Variants in VAPA observed in about 807,000 individuals in gnomAD.
The protein encoded by VAPA is vesicle-associated membrane protein-associated protein A.
In VAPA, 6 loss-of-function variants were observed where a neutral mutation model predicts 25.6. The ratio of observed to expected loss-of-function variants is 0.23; its 90% CI spans 0.13 to 0.46. The LOEUF (loss-of-function observed/expected upper bound fraction) is 0.46, where lower values mean the gene tolerates loss of function less well. VAPA is among the 20% of genes least tolerant of loss of function. The probability of loss-of-function intolerance (pLI) is 0.99; values close to 1 mark genes in which losing one functional copy is unlikely to be tolerated. For missense variants in VAPA, 244 were observed against 302.1 expected, an observed-to-expected ratio of 0.81 and a Z score of 1.43; for synonymous variants, 112 against 106.2, an observed-to-expected ratio of 1.05 and a Z score of -0.34.
intron 5 of VAPA, 48 bp from the exon 6 acceptor site, chr18:9,954,005 T>G (rs2069516320): frequency 6.2e-7 from 1 of 1,607,416 alleles, no homozygotes; most frequent in African/African-American, 1.3e-5. Context: ...GTAGTCTCGT[T>G]AGTATGCTTG....
intron 1 of VAPA, among the ~76,000 whole-genome samples, chr18:9,917,808 G>A (rs374623602): frequency 7.4e-6 from 1 of 135,016 alleles, no homozygotes; most frequent in Non-Finnish European, 1.7e-5. Flanking sequence ...AGCACGGGGC[G>A]GGGGGGAAAT....
intron 2 of VAPA, among the ~76,000 whole-genome samples, chr18:9,935,569 G>C (rs2069301032): frequency 6.6e-6 from 1 of 152,186 alleles, no homozygotes; most frequent in African/African-American, 2.4e-5. Flanking sequence ...CACAGAGTGA[G>C]ACCCTGTTTT....
chr18:9,955,120 AC>A lies in VAPA; in HGVS notation c.*913del, dbSNP rs1333605046. 20 of 152,242 alleles carry A rather than the reference AC, an allele frequency of 1.3e-4. No homozygotes were observed. The highest frequency in any genetic ancestry group is 4.8e-4 in the African/African-American group (20 of 41,560). The allele number at this position is 152,242 out of a possible 1,614,324, so 9.4% of individuals were successfully genotyped here. ...AGCATGGCTGTGCTCCATCTGATTT[AC>A]CCCATTCTTAAGTTCTGAGAGTATG... On this transcript the variant is annotated 3_prime_UTR_variant, in exon 6 of 6. Coordinates refer to ENST00000400000, the MANE Select transcript of VAPA (RefSeq NM_194434.3).
chr18:9,917,511 C>T (rs1185212434), intron 1 of VAPA, among the ~76,000 whole-genome samples: 2 of 152,154 alleles, frequency 1.3e-5, no homozygotes, highest in African/African-American at 2.4e-5. Flanking sequence ...GAACTTCTGA[C>T]CTCAGGTGAT....
intron 1 of VAPA, among the ~76,000 whole-genome samples, chr18:9,922,070 A>G (rs2069161337): frequency 6.6e-6 from 1 of 152,078 alleles, no homozygotes; most frequent in South Asian, 2.1e-4. Context: ...CTTGAACTCC[A>G]GGGCCCAAGC....
intron 1 of VAPA, among the ~76,000 whole-genome samples, chr18:9,918,479 A>G (rs919501472): frequency 2.6e-5 from 4 of 152,050 alleles, no homozygotes; most frequent in African/African-American, 7.2e-5. Context: ...TTTTTATCTT[A>G]CTTGACCTCC....
chr18:9,914,131 T>TAG lies in VAPA; in HGVS notation c.-125_-124dup, dbSNP rs938180525. 2.1e-5 allele frequency: 16 copies of TAG among 765,478 alleles called. No individual in the cohort carries two copies. The highest frequency in any genetic ancestry group is 3.2e-5 in the Non-Finnish European group (16 of 502,840). The allele number at this position is 765,478 out of a possible 1,614,324, so 47.4% of individuals were successfully genotyped here. A position where few individuals can be genotyped will look rare whatever the true frequency, so the allele number is the denominator to read the frequency against. On this transcript the variant is annotated 5_prime_UTR_variant, in exon 1 of 6. Coordinates refer to ENST00000400000, the MANE Select transcript of VAPA (RefSeq NM_194434.3). ...GAACCGGTGACACAGCGGCAGGCGT[T>TAG]AGGGCTCGGGAGCCGCGAGCCTGGC...
At chr18:9,939,661 G>C (rs78793510) in intron 4 of VAPA, among the ~76,000 whole-genome samples, 1,998 of 151,894 alleles carry the variant, frequency 0.013, 53 homozygotes, top group African/African-American at 0.044. Context: ...TATTTCCTGT[G>C]ATCGAAAGTT....
chr18:9,947,676 A>G (rs1054161355), intron 4 of VAPA: 9 of 152,208 alleles, frequency 5.9e-5, no homozygotes, highest in Admixed American at 2.6e-4. Context: ...TGCTTGTTTC[A>G]TGGTTCTCAG....
At chr18:9,940,744 T>C (rs2069358845) in intron 4 of VAPA, among the ~76,000 whole-genome samples, 1 of 152,226 alleles carries the variant, frequency 6.6e-6, no homozygotes. Flanking sequence ...GATGGCTCAC[T>C]GGCCTCGTCA....
chr18:9,939,816 A>G (rs1431673545), intron 4 of VAPA, among the ~76,000 whole-genome samples: 6 of 152,154 alleles, frequency 3.9e-5, no homozygotes, highest in Admixed American at 3.3e-4. Context: ...GATGCCTTTC[A>G]ACTTCCTGTG....
In VAPA at chr18:9,957,614, G is replaced by A. The variant is rs545305461; in HGVS notation, c.*3403G>A. ...AATGCTTATTACCATTTGGAAAAAC[G>A]AAGATCAGAAGGTAAATGATCTTTA... On this transcript the variant is annotated 3_prime_UTR_variant, in exon 6 of 6. Coordinates refer to ENST00000400000, the MANE Select transcript of VAPA (RefSeq NM_194434.3). 3 of 152,230 alleles carry A rather than the reference G, an allele frequency of 2.0e-5. No homozygotes were observed. Among genetic ancestry groups the A allele is most frequent in the Admixed American group, 6.5e-5 (1 of 15,300 alleles). 9.4% of individuals were successfully genotyped at this position (152,230 alleles called of 1,614,324 possible).
chr18:9,919,579 A>G (rs2069139932), intron 1 of VAPA, among the ~76,000 whole-genome samples: 1 of 152,248 alleles, frequency 6.6e-6, no homozygotes, highest in South Asian at 2.1e-4. Context: ...TAAGATTCCA[A>G]CAATGAGTAA....
rs145737358 is a variant in VAPA at position 9,916,734 on chromosome 18, A to C, written c.79+2399A>C. On this transcript the variant is annotated intron_variant, in intron 1 of 5. Coordinates refer to ENST00000400000, the MANE Select transcript of VAPA (RefSeq NM_194434.3). ...TCTACTTGGGCTTAGTTTATGATAG[A>C]AAAAAATCATTTAACTGACTTACCC... Among the ~76,000 whole-genome samples, 249 of 152,342 alleles carry C rather than the reference A, an allele frequency of 1.6e-3. 1 individual carries two copies. Among genetic ancestry groups the C allele is most frequent in the African/African-American group, 5.6e-3 (233 of 41,580 alleles).
chr18:9,920,032 C>G (rs1295016284), intron 1 of VAPA, among the ~76,000 whole-genome samples: 1 of 152,076 alleles, frequency 6.6e-6, no homozygotes, highest in African/African-American at 2.4e-5. Flanking sequence ...TCTGAGATTT[C>G]TGCTTATATA....
chr18:9,938,076 G>A (rs1307166312), intron 4 of VAPA, among the ~76,000 whole-genome samples: 1 of 152,162 alleles, frequency 6.6e-6, no homozygotes, highest in Admixed American at 6.5e-5. Context: ...GATGGCCTGT[G>A]TATGCTTCCC....
chr18:9,947,353 G>A (rs898840148), intron 4 of VAPA, among the ~76,000 whole-genome samples: 7 of 152,052 alleles, frequency 4.6e-5, no homozygotes, highest in Non-Finnish European at 7.4e-5. Flanking sequence ...CACCACAAAC[G>A]TGAATAATGT....
At chr18:9,919,103 G>A (rs1266803670) in intron 1 of VAPA, among the ~76,000 whole-genome samples, 1 of 152,100 alleles carries the variant, frequency 6.6e-6, no homozygotes, top group African/African-American at 2.4e-5. Context: ...GGCTGATCTC[G>A]AACTCCTGAC....
chr18:9,950,277 A>G, intron 4 of VAPA, 118 bp from the exon 5 acceptor site: 1 of 1,065,010 alleles, frequency 9.4e-7, no homozygotes, highest in Non-Finnish European at 1.4e-6. Context: ...ACATGTACTG[A>G]TTTAGGCCTT....
Sources: gnomAD v4.1 joint callset for allele counts (sites outside exome capture counted in the v4.1 genomes callset) on GRCh38, gnomAD v4.1.1 for gene constraint, MANE v1.5 for transcripts, NCBI Gene and HGNC (gene_info 2026-07-23, HGNC 2026-07-21) for gene names.